The following CST2 variants were observed in gnomAD, a reference collection of about 807,000 sequenced individuals.
The protein encoded by CST2 is cystatin SA.
Under a neutral mutation model 13.4 loss-of-function variants are expected in CST2, and 26 were observed. The ratio of observed to expected loss-of-function variants is 1.95; its 90% CI spans 1.43 to 2.70. The LOEUF (loss-of-function observed/expected upper bound fraction) is 2.70. CST2 is among the 30% of genes most tolerant of loss of function. The probability of loss-of-function intolerance (pLI) is 0.00; values close to 1 mark genes in which losing one functional copy is unlikely to be tolerated. For missense variants in CST2, 243 were observed against 173.4 expected (o/e 1.40, Z -2.25); for synonymous variants, 105 against 71.1 (o/e 1.48, Z -2.40).
At chr20:23,824,897 T>C (rs772305267) in intron 2 of CST2, among the ~76,000 whole-genome samples, 14 of 151,948 alleles carry the variant, frequency 9.2e-5, no homozygotes, top group Non-Finnish European at 1.8e-4. Flanking sequence ...GGCAACTACG[T>C]AAACTCACTT....
rs112094131 is a variant in CST2 at position 23,826,604 on chromosome 20, C to A, written c.57G>T (p.Leu19=). The part of the protein sequence containing the change: ...LLLLATQAVA[L]AWSPQEEDRI... The stretch of plus-strand genomic sequence containing the variant: ...TGTCCTCCTCCTGGGGGCTCCAGGC[C>A]AGGGCCACAGCCTGGGTGGCCAGCA... The change falls in exon 1 of 3, where the codon CTG becomes CTT. Residue 19 remains leucine (L), a synonymous_variant. Transcript: ENST00000304725. 39 of 1,613,322 alleles carry A rather than the reference C, an allele frequency of 2.4e-5. 1 individual carries two copies. The highest frequency in any genetic ancestry group is 2.3e-4 in the African/African-American group (17 of 75,050).
chr20:23,826,344 A>T, intron 1 of CST2, 89 bp downstream of exon 1: 3 of 991,258 alleles, frequency 3.0e-6, no homozygotes, highest in East Asian at 2.4e-5. Context: ...TCATGAATGT[A>T]TCAGTGTTGA....
chr20:23,826,385 A>T, intron 1 of CST2, 48 bp downstream of exon 1: 1 of 1,527,124 alleles, frequency 6.5e-7, no homozygotes, highest in South Asian at 1.1e-5. Flanking sequence ...GGATCGGGCA[A>T]CAAACAAGGC....
chr20:23,826,147 G>A (rs878993162), intron 1 of CST2, among the ~76,000 whole-genome samples: 1 of 152,194 alleles, frequency 6.6e-6, no homozygotes, highest in Non-Finnish European at 1.5e-5. Flanking sequence ...AGAACAGGAA[G>A]CGAAGTTCCT....
chr20:23,824,114 G>C lies in CST2; in HGVS notation c.343-11C>G, dbSNP rs1454483321. ...AGAGCACAACTGTTTCTGTGAAAGG[G>C]AAGAGAGAGGGCCAATCAGTGTGAG... On this transcript the variant is annotated splice_polypyrimidine_tract_variant and intron_variant, in intron 2 of 2. Coordinates refer to ENST00000304725, the MANE Select transcript of CST2 (RefSeq NM_001322.3). The C allele has an allele frequency of 4.3e-6, 7 of 1,613,692 alleles. No homozygotes were observed. In the South Asian group the frequency reaches 7.7e-5, roughly 18 times the overall value.
chr20:23,826,353 G>A (rs1984835531), intron 1 of CST2, 80 bp downstream of exon 1: 2 of 1,087,618 alleles, frequency 1.8e-6, no homozygotes, highest in East Asian at 2.4e-5. Context: ...TATCAGTGTT[G>A]ATGTGCTGCG....
intron 1 of CST2, among the ~76,000 whole-genome samples, chr20:23,825,769 G>A (rs1329921080): frequency 6.6e-6 from 1 of 152,214 alleles, no homozygotes; most frequent in Non-Finnish European, 1.5e-5. Flanking sequence ...CCAGTTGACA[G>A]CTGCAGGAGG....
intron 2 of CST2, among the ~76,000 whole-genome samples, chr20:23,825,004 G>A (rs1018374930): frequency 6.6e-6 from 1 of 152,054 alleles, no homozygotes; most frequent in East Asian, 1.9e-4. Context: ...ACTGGCACAT[G>A]TGTGTACACA....
At chr20:23,824,883 C>G (rs6114319) in intron 2 of CST2, among the ~76,000 whole-genome samples, 32,530 of 151,952 alleles carry the variant, frequency 0.21, 3,623 homozygotes, top group African/African-American at 0.25. Context: ...TCTGCACACA[C>G]ATAGGCAACT....
chr20:23,826,368 C>T (rs1984835926), intron 1 of CST2, 65 bp downstream of exon 1: 5 of 1,297,302 alleles, frequency 3.9e-6, no homozygotes, highest in Admixed American at 1.7e-5. Context: ...GCTGCGAATG[C>T]TCTTATGGAT....
rs762547153 is a variant in CST2 at position 23,826,415 on chromosome 20, G to C, written c.228+18C>G. ...CAAGGCTGGGACTCAGGACCCCTCA[G>C]GTGGAGGCAGCACCCACCTGCTCCC... On this transcript the variant is annotated intron_variant, in intron 1 of 2. Transcript: ENST00000304725. The C allele has an allele frequency of 1.6e-5, 26 of 1,611,098 alleles. No homozygotes were observed. The East Asian group carries it at 5.6e-4, about 35-fold the overall frequency.
Position 23,826,377 on chromosome 20 carries a change from A to T in CST2, c.228+56T>A, listed in dbSNP as rs1984836145. ...TGATGTGCTGCGAATGCTCTTATGGATCGGGCAACAAACAAGGCTGGGACT... is the reference window on the plus strand; with the variant it reads ...TGATGTGCTGCGAATGCTCTTATGGTTCGGGCAACAAACAAGGCTGGGACT... On this transcript the variant is annotated intron_variant, in intron 1 of 2. Coordinates refer to ENST00000304725, the MANE Select transcript of CST2 (RefSeq NM_001322.3). The T allele has an allele frequency of 4.3e-6, 6 of 1,399,232 alleles. No individual in the cohort carries two copies. In the Admixed American group the frequency reaches 1.0e-4, roughly 24 times the overall value. 86.7% of individuals were successfully genotyped at this position (1,399,232 alleles called of 1,614,324 possible).
chr20:23,826,617 T>C lies in CST2; in HGVS notation c.44A>G (p.Gln15Arg), dbSNP rs1568781501. The C allele has an allele frequency of 4.3e-6, 7 of 1,612,754 alleles. No individual in the cohort carries two copies. The highest frequency in any genetic ancestry group is 5.9e-6 in the Non-Finnish European group (7 of 1,179,714). Residue 15 changes from glutamine to arginine, a missense_variant, in exon 1 of 3, where the codon CAG becomes CGG. Physicochemically the swap from Gln to Arg is conservative, Grantham distance 43 (BLOSUM62 1). Coordinates refer to ENST00000304725, the MANE Select transcript of CST2 (RefSeq NM_001322.3). ...GGGGCTCCAGGCCAGGGCCACAGCC[T>C]GGGTGGCCAGCAGGAGCAGCAGGGT... is the stretch of plus-strand genomic sequence containing the variant. ...LCTLLLLLAT[Q>R]AVALAWSPQE... is the part of the protein sequence containing the mutation.
chr20:23,825,101 C>T (rs1984787244), intron 2 of CST2, 109 bp downstream of exon 2: 2 of 1,474,058 alleles, frequency 1.4e-6, no homozygotes, highest in South Asian at 1.2e-5. Context: ...TGACTCCCCA[C>T]ATACCCACCT....
intron 1 of CST2, among the ~76,000 whole-genome samples, chr20:23,825,894 A>G (rs770839292): frequency 1.3e-5 from 2 of 152,202 alleles, no homozygotes; most frequent in Non-Finnish European, 2.9e-5. Context: ...TGGGCCCAAT[A>G]GCCCTTCTGA....
Position 23,826,633 on chromosome 20 carries a change from G to A in CST2, c.28C>T (p.Leu10Phe), listed in dbSNP as rs1984853105. Reference protein sequence around the residue: MAWPLCTLLLLLATQAVALA... With the variant: MAWPLCTLLFLLATQAVALA... ...GCCACAGCCTGGGTGGCCAGCAGGA[G>A]CAGCAGGGTGCACAGGGGCCAGGCC... The change falls in exon 1 of 3, where the codon CTC (leucine) becomes TTC (phenylalanine). Residue 10 changes from leucine (L) to phenylalanine (F), a missense_variant. Transcript: ENST00000304725. The A allele has an allele frequency of 6.2e-7, 1 of 1,609,590 alleles. No individual in the cohort carries two copies. Among genetic ancestry groups the A allele is most frequent in the Non-Finnish European group, 8.5e-7 (1 of 1,178,444 alleles).
chr20:23,826,225 G>T (rs999214177), intron 1 of CST2, among the ~76,000 whole-genome samples: 1 of 152,210 alleles, frequency 6.6e-6, no homozygotes, highest in African/African-American at 2.4e-5. Context: ...ATCCTGAGCA[G>T]CATCAAGCCC....
In CST2 at chr20:23,823,790, CAG is replaced by C. The variant is rs1207460886; in HGVS notation, c.*228_*229del. On this transcript the variant is annotated 3_prime_UTR_variant, in exon 3 of 3. Transcript: ENST00000304725. ...GGGAGGTGATGCTACTGTTTAATTG[CAG>C]GAGGTGGGGGTGTGTGTACCATGTA... is the stretch of plus-strand genomic sequence containing the variant. 6 of 547,792 alleles carry C rather than the reference CAG, an allele frequency of 1.1e-5. No individual in the cohort carries two copies. The African/African-American group carries it at 1.1e-4, about 10-fold the overall frequency. The allele number at this position is 547,792 out of a possible 1,614,324, so 33.9% of individuals were successfully genotyped here.
intron 1 of CST2, among the ~76,000 whole-genome samples, chr20:23,825,837 A>C (rs2122136513): frequency 6.6e-6 from 1 of 152,284 alleles, no homozygotes; most frequent in Non-Finnish European, 1.5e-5. Flanking sequence ...AGGAGCTCTA[A>C]AGCCTGTGTC....
Sources: allele counts gnomAD v4.1 joint callset (sites outside exome capture counted in the v4.1 genomes callset), GRCh38; gene constraint gnomAD v4.1.1; transcripts MANE v1.5; gene names NCBI Gene and HGNC (gene_info 2026-07-23, HGNC 2026-07-21).